The following PPM1B variants were observed in gnomAD, a reference collection of about 807,000 sequenced individuals.
PPM1B encodes the protein protein phosphatase, Mg2+/Mn2+ dependent 1B.
Under a neutral mutation model 43.0 loss-of-function variants are expected in PPM1B, and 22 were observed. The ratio of observed to expected loss-of-function variants is 0.51; its 90% CI spans 0.37 to 0.73. PPM1B has a LOEUF of 0.73. Among genes scored for constraint, PPM1B ranks in the 30% least tolerant of loss-of-function variants. The pLI is 0.00. For missense variants in PPM1B, 632 were observed against 584.2 expected (o/e 1.08, Z -0.84); for synonymous variants, 217 against 197.9 (o/e 1.10, Z -0.81).
At chr2:44,232,172 A>G, downstream of PPM1B, 1 of 1,269,122 alleles carries the variant, frequency 7.9e-7, no homozygotes, top group Non-Finnish European at 1.1e-6. Context: ...AATATGCAAT[A>G]CACAACATCT....
rs893933450 is a variant in PPM1B, at chr2:44,168,886, C to G, written c.-403C>G. On this transcript the variant is annotated 5_prime_UTR_variant, in exon 1 of 6. Coordinates refer to ENST00000282412, the MANE Select transcript of PPM1B (RefSeq NM_002706.6). ...GCGGGGAGGGGGTTGCAAAAGGAGCCGAGCGGCTTCTGCTCAATGGCGGAA... is the reference window on the plus strand; with the variant it reads ...GCGGGGAGGGGGTTGCAAAAGGAGCGGAGCGGCTTCTGCTCAATGGCGGAA... The G allele has an allele frequency of 1.3e-5, 2 of 152,942 alleles. No homozygotes were observed. Among genetic ancestry groups the G allele is most frequent in the Non-Finnish European group, 2.9e-5 (2 of 68,130 alleles). The allele number at this position is 152,942 out of a possible 1,614,324, so 9.5% of individuals were successfully genotyped here.
At chr2:44,216,977 G>A (rs1406014720) in intron 3 of PPM1B, among the ~76,000 whole-genome samples, 2 of 152,004 alleles carry the variant, frequency 1.3e-5, no homozygotes, top group Non-Finnish European at 2.9e-5. Context: ...CCAACGAAAA[G>A]AGTATGTGAA....
chr2:44,215,836 A>G (rs1669694935), intron 3 of PPM1B, among the ~76,000 whole-genome samples: 1 of 152,200 alleles, frequency 6.6e-6, no homozygotes, highest in African/African-American at 2.4e-5. Flanking sequence ...GAGTAAGTAG[A>G]GAGCAACAAG....
At chr2:44,210,082 A>G (rs1007142556) in intron 3 of PPM1B, among the ~76,000 whole-genome samples, 1 of 152,158 alleles carries the variant, frequency 6.6e-6, no homozygotes, top group Non-Finnish European at 1.5e-5. Flanking sequence ...AATTCCGCTA[A>G]TACTAATTCT....
chr2:44,183,759 G>T (rs930477232), intron 1 of PPM1B, among the ~76,000 whole-genome samples: 25 of 152,030 alleles, frequency 1.6e-4, no homozygotes, highest in Non-Finnish European at 3.5e-4. Flanking sequence ...TTTTTTTCAA[G>T]ACAGAGTCTC....
At chr2:44,240,450 A>ATTATTTTT (rs1459743646) in intron 5 of PPM1B, among the ~76,000 whole-genome samples, 3 of 145,594 alleles carry the variant, frequency 2.1e-5, no homozygotes, top group African/African-American at 7.4e-5. Context: ...CTCTGTAATG[A>ATTATTTTT]TTATTTTTTT....
downstream of PPM1B, chr2:44,232,501 T>C: frequency 6.7e-7 from 1 of 1,484,234 alleles, no homozygotes; most frequent in Non-Finnish European, 8.9e-7. Context: ...CATTTGTTCA[T>C]ATTTGTGTTT....
Position 44,201,480 on chromosome 2 carries a change from C to T in PPM1B, c.281C>T (p.Ala94Val), listed in dbSNP as rs1462516063. 2 of 1,614,194 alleles carry T rather than the reference C, an allele frequency of 1.2e-6. No individual in the cohort carries two copies. Among genetic ancestry groups the T allele is most frequent in the East Asian group, 4.5e-5 (2 of 44,882 alleles). ...DFRAAGKSGSALELSVENVKN... is the reference protein window; with the variant it reads ...DFRAAGKSGSVLELSVENVKN... ...AGGGCAGCTGGAAAATCAGGATCTG[C>T]TCTTGAGCTTTCAGTGGAAAATGTT... Residue 94 changes from alanine (A) to valine (V), a missense_variant, in exon 2 of 6, where the codon GCT (alanine) becomes GTT (valine). By Grantham distance (64) the Ala-to-Val change is moderately conservative (BLOSUM62 0). Around this residue, in one of 3 missense-constraint regions of PPM1B, gnomAD observed 200 missense variants for 200.7 expected, o/e 1.00. Coordinates refer to ENST00000282412, the MANE Select transcript of PPM1B (RefSeq NM_002706.6). This position sits in a 1 kb window ranked among gnomAD's most constrained non-coding sequence, Gnocchi z 5.4.
downstream of PPM1B, chr2:44,232,235 AT>A (rs1332411083): frequency 9.7e-6 from 15 of 1,547,428 alleles, no homozygotes; most frequent in Non-Finnish European, 1.3e-5. Flanking sequence ...TTGTTCATCA[AT>A]TTTGTTTTCT....
At chr2:44,190,868 T>C (rs1231389885) in intron 1 of PPM1B, among the ~76,000 whole-genome samples, 1 of 152,226 alleles carries the variant, frequency 6.6e-6, no homozygotes, top group Non-Finnish European at 1.5e-5. Context: ...TGTACAATTA[T>C]TGTGTTGAAA....
downstream of PPM1B, chr2:44,234,443 C>G (rs367740403): frequency 4.2e-5 from 28 of 659,768 alleles, no homozygotes; most frequent in Middle Eastern, 7.5e-4. Context: ...TGCTTGAACC[C>G]AGGAGGCGGA....
chr2:44,212,027 G>A (rs986890519), intron 3 of PPM1B, among the ~76,000 whole-genome samples: 4 of 152,170 alleles, frequency 2.6e-5, no homozygotes, highest in African/African-American at 9.7e-5. Context: ...TGGGATTACA[G>A]GCGTGAATCA....
At chr2:44,242,348 C>T (rs572943754) in intron 5 of PPM1B, among the ~76,000 whole-genome samples, 1 of 152,084 alleles carries the variant, frequency 6.6e-6, no homozygotes, top group East Asian at 1.9e-4. Context: ...AACTTTAGAA[C>T]AGTGGTTACT....
intron 5 of PPM1B, among the ~76,000 whole-genome samples, chr2:44,227,194 C>G (rs926356433): frequency 5.3e-5 from 8 of 152,052 alleles, no homozygotes; most frequent in Admixed American, 6.5e-5. Flanking sequence ...AGGCTGGTCT[C>G]AAACTCCTGG....
intron 1 of PPM1B, among the ~76,000 whole-genome samples, chr2:44,183,368 T>C (rs140052346): frequency 1.6e-4 from 24 of 152,354 alleles, no homozygotes; most frequent in African/African-American, 4.8e-4. Flanking sequence ...CCTTGAACAT[T>C]CTTCCCGTGT....
downstream of PPM1B, among the ~76,000 whole-genome samples, chr2:44,234,895 C>T (rs1403820910): frequency 6.6e-6 from 1 of 152,040 alleles, no homozygotes; most frequent in African/African-American, 2.4e-5. Flanking sequence ...TAAAAAGGAC[C>T]ATTTTTCATT....
chr2:44,193,857 G>T (rs1438550713), intron 1 of PPM1B, among the ~76,000 whole-genome samples: 1 of 152,062 alleles, frequency 6.6e-6, no homozygotes, highest in Non-Finnish European at 1.5e-5. Context: ...GGGATTACAG[G>T]CGTGAGCCAC....
chr2:44,233,050 T>C (rs1021631278), downstream of PPM1B: 2 of 982,006 alleles, frequency 2.0e-6, no homozygotes, highest in African/African-American at 1.7e-5. Context: ...AATGGATTAA[T>C]TTATGGCTAT....
downstream of PPM1B, chr2:44,234,542 A>G (rs1427756862): frequency 1.0e-6 from 1 of 982,704 alleles, no homozygotes; most frequent in Non-Finnish European, 1.2e-6. Flanking sequence ...AGAAAAAAAA[A>G]AACTTTTCCG....
Sources: allele counts gnomAD v4.1 joint callset (sites outside exome capture counted in the v4.1 genomes callset), GRCh38; gene constraint gnomAD v4.1.1; regional missense constraint gnomAD v4.1.1; non-coding constraint Gnocchi (gnomAD v3.1); transcripts MANE v1.5; gene names NCBI Gene and HGNC (gene_info 2026-07-23, HGNC 2026-07-21).